PTPRG: variants seen among roughly 807,000 people sequenced by gnomAD.
PTPRG encodes the protein receptor-type tyrosine-protein phosphatase gamma.
In PTPRG, 102 loss-of-function variants were observed where a neutral mutation model predicts 165.3. The ratio of observed to expected loss-of-function variants is 0.62; its 90% confidence interval spans 0.53 to 0.73. PTPRG has a LOEUF of 0.73. PTPRG is among the 30% of genes least tolerant of loss of function. The probability of loss-of-function intolerance (pLI) is 0.00; values close to 1 mark genes in which losing one functional copy is unlikely to be tolerated. For missense variants in PTPRG, 1,866 were observed against 1,861.4 expected (o/e 1.00, Z -0.05); for synonymous variants, 675 against 669.5 (o/e 1.01, Z -0.13).
At chr3:62,280,790 A>G (rs1702404663) in intron 26 of PTPRG, among the ~76,000 whole-genome samples, 1 of 152,088 alleles carries the variant, frequency 6.6e-6, no homozygotes, top group Non-Finnish European at 1.5e-5. Flanking sequence ...AGCAATCGCC[A>G]AGATACGGAA....
chr3:61,927,920 C>T (rs974913936), intron 2 of PTPRG, among the ~76,000 whole-genome samples: 4 of 152,006 alleles, frequency 2.6e-5, no homozygotes, highest in South Asian at 4.2e-4. Context: ...GTGAGGTATA[C>T]GTGCGTTCAA....
At chr3:61,567,360 AGAATGAGGTTGCCT>A (rs1411351946) in intron 1 of PTPRG, among the ~76,000 whole-genome samples, 1 of 152,144 alleles carries the variant, frequency 6.6e-6, no homozygotes, top group African/African-American at 2.4e-5. Flanking sequence ...AATTTGTCCC[AGAATGAGGTTGCCT>A]GTGCAAATGA....
chr3:61,770,294 T>G (rs999705961), intron 2 of PTPRG: 4 of 152,174 alleles, frequency 2.6e-5, no homozygotes, highest in Admixed American at 6.5e-5. Context: ...GATGAATGAT[T>G]GGGTTCATTT....
chr3:61,935,191 G>A (rs2039455364), intron 2 of PTPRG, among the ~76,000 whole-genome samples: 1 of 152,124 alleles, frequency 6.6e-6, no homozygotes, highest in African/African-American at 2.4e-5. Flanking sequence ...ATAAGCTGAG[G>A]TCCTTCCCCC....
chr3:61,579,857 CTT>C (rs1700244358), intron 1 of PTPRG, among the ~76,000 whole-genome samples: 1 of 152,124 alleles, frequency 6.6e-6, no homozygotes, highest in African/African-American at 2.4e-5. Flanking sequence ...AGGGTGAAGT[CTT>C]TGTATACACA....
rs563873570 is a variant in PTPRG, at chr3:61,877,580, C to G, written c.191-112045C>G. Among the ~76,000 whole-genome samples the G allele has an allele frequency of 5.3e-5, 8 of 152,272 alleles. No homozygotes were observed. In the South Asian group the frequency reaches 6.2e-4, roughly 12 times the overall value. ...CAAGCATACTAAACAGATTAAATCT[C>G]AATAGTTTTTGTGTATACCCTGGTA... On this transcript the variant is annotated intron_variant, in intron 2 of 29. Transcript: ENST00000474889.
chr3:61,758,133 A>T (rs963294017), intron 2 of PTPRG, among the ~76,000 whole-genome samples: 1 of 150,962 alleles, frequency 6.6e-6, no homozygotes. Flanking sequence ...GGTACTGACT[A>T]TAGGCGCACA....
In PTPRG at chr3:61,672,790, A is replaced by AGGGAGAGAGG. The variant is rs1671987686; in HGVS notation, c.86-76078_86-76069dup. ...GAGGGAGAGGGAGAGAGGGAGAGAG[A>AGGGAGAGAGG]GGGAGAGAGGGGGAGAGAGAGGGAG... On this transcript the variant is annotated intron_variant, in intron 1 of 29. Coordinates refer to ENST00000474889, the MANE Select transcript of PTPRG (RefSeq NM_002841.4). Among the ~76,000 whole-genome samples the AGGGAGAGAGG allele has an allele frequency of 2.9e-4, 37 of 128,272 alleles. No individual in the cohort carries two copies. The South Asian group carries it at 3.9e-3, about 14-fold the overall frequency. The allele number at this position is 128,272 out of a possible 152,430, so 84.2% of individuals were successfully genotyped here. A position where few individuals can be genotyped will look rare whatever the true frequency, so the allele number is the denominator to read the frequency against.
intron 1 of PTPRG, among the ~76,000 whole-genome samples, chr3:61,650,275 C>G (rs1702315158): frequency 6.6e-6 from 1 of 152,144 alleles, no homozygotes; most frequent in Non-Finnish European, 1.5e-5. Flanking sequence ...TACCTTGATC[C>G]TAAAAATGTT....
rs536074643 is a variant in PTPRG at position 62,164,320 on chromosome 3, C to T, written c.841-3651C>T. 2.6e-5 allele frequency among the ~76,000 whole-genome samples: 4 copies of T among 152,220 alleles called. No homozygotes were observed. In the East Asian group the frequency reaches 7.7e-4, roughly 29 times the overall value. On this transcript the variant is annotated intron_variant, in intron 7 of 29. Coordinates refer to ENST00000474889, the MANE Select transcript of PTPRG (RefSeq NM_002841.4). The stretch of plus-strand genomic sequence containing the variant: ...ATGTATCAGTAGATTTCGTCACTGC[C>T]CACTTGCCAAAGTGAGAAATGTAGA...
chr3:61,991,769 T>G (rs983912379), intron 3 of PTPRG, among the ~76,000 whole-genome samples: 14 of 152,230 alleles, frequency 9.2e-5, no homozygotes, highest in Non-Finnish European at 1.5e-5. Flanking sequence ...CACTGGGCTC[T>G]CTGATACGGT....
intron 2 of PTPRG, among the ~76,000 whole-genome samples, chr3:61,919,463 C>T (rs541046727): frequency 1.8e-4 from 27 of 152,226 alleles, no homozygotes; most frequent in African/African-American, 6.3e-4. Flanking sequence ...AGGTGAAATT[C>T]CAGGGTCTAA....
intron 2 of PTPRG, among the ~76,000 whole-genome samples, chr3:61,826,848 T>TTTC (rs1553676832): frequency 2.2e-4 from 33 of 151,200 alleles, no homozygotes; most frequent in South Asian, 8.4e-4. Flanking sequence ...TTTTTTTTTT[T>TTTC]CCGATTATGT....
At chr3:62,234,606 G>A (rs1211886897) in intron 14 of PTPRG, among the ~76,000 whole-genome samples, 1 of 151,938 alleles carries the variant, frequency 6.6e-6, no homozygotes, top group South Asian at 2.1e-4. Context: ...TTGTTTTTCT[G>A]TAAACTGTTT....
At chr3:61,708,265 C>T (rs2031363462) in intron 1 of PTPRG, among the ~76,000 whole-genome samples, 1 of 151,816 alleles carries the variant, frequency 6.6e-6, no homozygotes, top group Admixed American at 6.6e-5. Flanking sequence ...AATAGTTGGT[C>T]TTCTGTACTA....
chr3:62,178,327 G>T (rs1216684129), intron 8 of PTPRG, among the ~76,000 whole-genome samples: 1 of 152,176 alleles, frequency 6.6e-6, no homozygotes, highest in Non-Finnish European at 1.5e-5. Flanking sequence ...TACATATCAG[G>T]TGGCCAGGAA....
chr3:61,745,158 C>T (rs2033150245), intron 1 of PTPRG, among the ~76,000 whole-genome samples: 1 of 148,064 alleles, frequency 6.8e-6, no homozygotes, highest in African/African-American at 2.5e-5. Flanking sequence ...TCAAGCGATT[C>T]TCCTGCCTCA....
intron 5 of PTPRG, among the ~76,000 whole-genome samples, chr3:62,125,589 G>A (rs781385300): frequency 9.9e-5 from 15 of 152,054 alleles, no homozygotes; most frequent in Admixed American, 2.0e-4. Flanking sequence ...AAGTTGTCCA[G>A]CACTGCCACA....
At chr3:61,982,085 A>C (rs80139045) in intron 2 of PTPRG, among the ~76,000 whole-genome samples, 12,366 of 152,100 alleles carry the variant, frequency 0.081, 575 homozygotes, top group South Asian at 0.12. Context: ...GATTGTTTCT[A>C]TTATGTCTCG....
Sources: allele counts gnomAD v4.1 joint callset (sites outside exome capture counted in the v4.1 genomes callset), GRCh38; gene constraint gnomAD v4.1.1; transcripts MANE v1.5; gene names NCBI Gene and HGNC (gene_info 2026-07-23, HGNC 2026-07-21).